NF1: variants seen among roughly 807,000 people sequenced by gnomAD.
NF1 encodes the protein neurofibromin 1.
NF1 carries 122 observed loss-of-function variants against 325.7 expected under a neutral mutation model. The ratio of observed to expected loss-of-function variants is 0.37; its 90% CI spans 0.32 to 0.44. NF1 has a LOEUF of 0.44. NF1 is among the 20% of genes least tolerant of loss of function. The pLI is 1.00. For missense variants in NF1, 2,140 were observed against 3,415.4 expected, an observed-to-expected ratio of 0.63 and a Z score of 9.31; for synonymous variants, 1,091 against 1,186.0, an observed-to-expected ratio of 0.92 and a Z score of 1.65.
At chr17:31,327,306 T>G (rs2069369925) in intron 37 of NF1, among the ~76,000 whole-genome samples, 193 bp from the exon 38 acceptor site, 1 of 152,170 alleles carries the variant, frequency 6.6e-6, no homozygotes, top group South Asian at 2.1e-4. Flanking sequence ...ATTAAAAAAT[T>G]TTTAAATGTT....
At chr17:31,225,375 A>G (rs1433421274) in intron 17 of NF1, 125 bp downstream of exon 17, 3 of 1,061,448 alleles carry the variant, frequency 2.8e-6, no homozygotes, top group East Asian at 2.4e-5. Flanking sequence ...ATCTAGTTCT[A>G]TTACTGCTCT....
intron 36 of NF1, among the ~76,000 whole-genome samples, chr17:31,279,634 C>A: frequency 6.7e-6 from 1 of 148,898 alleles, no homozygotes; most frequent in African/African-American, 2.5e-5. Context: ...GTTTTGTGAA[C>A]AATGGATATG....
At chr17:31,199,281 C>G (rs1433175484) in intron 8 of NF1, among the ~76,000 whole-genome samples, 1 of 152,058 alleles carries the variant, frequency 6.6e-6, no homozygotes, top group African/African-American at 2.4e-5. Flanking sequence ...GTTGTGTTTT[C>G]GTTTTCATTT....
intron 48 of NF1, among the ~76,000 whole-genome samples, chr17:31,344,522 G>C (rs142839494): frequency 1.3e-5 from 2 of 152,326 alleles, no homozygotes; most frequent in East Asian, 1.9e-4. Context: ...CAACAATTTT[G>C]TATTAATTTA....
rs8072036 is a variant in NF1, at chr17:31,212,505, C to T, written c.1393-1946C>T. Among the ~76,000 whole-genome samples the T allele has an allele frequency of 9.1e-3, 1,381 of 152,240 alleles. 21 individuals carry two copies. The highest frequency in any genetic ancestry group is 0.032 in the African/African-American group (1,319 of 41,538). On this transcript the variant is annotated intron_variant, in intron 12 of 57. Coordinates refer to ENST00000358273, the MANE Select transcript of NF1 (RefSeq NM_001042492.3). ...AAGTGGATCACCTGAGATCAGGAGT[C>T]GAGACCAGCCTGGCCAACATGGCAA... is the stretch of plus-strand genomic sequence containing the variant.
At chr17:31,142,342 A>G (rs779366098) in intron 1 of NF1, among the ~76,000 whole-genome samples, 4 of 152,200 alleles carry the variant, frequency 2.6e-5, no homozygotes, top group African/African-American at 9.7e-5. Flanking sequence ...TGTGAAAGTA[A>G]TGTATCTAAC....
At chr17:31,108,153 T>TCAGGTAC (rs1016792944) in intron 1 of NF1, among the ~76,000 whole-genome samples, 14 of 151,648 alleles carry the variant, frequency 9.2e-5, no homozygotes, top group African/African-American at 3.2e-4. Flanking sequence ...ATGCTGAGCT[T>TCAGGTAC]CAGGTACAGT....
chr17:31,144,093 G>T (rs1393893123), intron 1 of NF1, among the ~76,000 whole-genome samples: 1 of 152,192 alleles, frequency 6.6e-6, no homozygotes. Context: ...AAAGTGCTGG[G>T]ATTACAGGCT....
At chr17:31,113,438 C>G (rs1913602814) in intron 1 of NF1, among the ~76,000 whole-genome samples, 1 of 152,102 alleles carries the variant, frequency 6.6e-6, no homozygotes, top group Non-Finnish European at 1.5e-5. Context: ...GAGACAGGAT[C>G]TTGCTGTGTT....
intron 36 of NF1, among the ~76,000 whole-genome samples, chr17:31,284,878 T>C (rs575858583): frequency 2.0e-3 from 303 of 152,170 alleles, no homozygotes; most frequent in Non-Finnish European, 3.8e-3. Context: ...CCCATCACAT[T>C]AGGAGGCCGA....
chr17:31,257,659 C>T (rs1272500274), intron 31 of NF1: 2 of 152,150 alleles, frequency 1.3e-5, no homozygotes, highest in African/African-American at 2.4e-5. Context: ...GGGGTTCTCT[C>T]TTCTGGTGAG....
chr17:31,298,083 T>C (rs1389236124), intron 36 of NF1, among the ~76,000 whole-genome samples: 2 of 152,174 alleles, frequency 1.3e-5, no homozygotes, highest in Non-Finnish European at 2.9e-5. Context: ...TGAATGACCA[T>C]TTATTTGATT....
intron 1 of NF1, among the ~76,000 whole-genome samples, chr17:31,126,714 T>C (rs1295617892): frequency 6.6e-6 from 1 of 152,156 alleles, no homozygotes; most frequent in Non-Finnish European, 1.5e-5. Flanking sequence ...AGTGTTGAGA[T>C]TGTAGATTTG....
chr17:31,183,569 C>T (rs2066177031), intron 8 of NF1: 1 of 152,130 alleles, frequency 6.6e-6, no homozygotes, highest in Non-Finnish European at 1.5e-5. Context: ...GTTTTGGAGC[C>T]CTTCAAAATA....
At position 31,201,056 on chromosome 17, in the gene NF1, G is replaced by C. The variant is rs876660103; in HGVS notation, c.1082G>C (p.Ser361Thr). 4 of 1,613,736 alleles carry C rather than the reference G, an allele frequency of 2.5e-6. No individual in the cohort carries two copies. In the Admixed American group the frequency reaches 5.0e-5, roughly 20 times the overall value. Residue 361 changes from serine to threonine, a missense_variant, in exon 10 of 58, where the codon AGT (serine) becomes ACT (threonine). By Grantham distance (58) the Ser-to-Thr change is moderately conservative. Transcript: ENST00000358273. ...TTATAGAACCTGCTTTTTAATCCAAGTAAGCCATTCTCAAGAGGCAGTCAG... is the reference window on the plus strand; with the variant it reads ...TTATAGAACCTGCTTTTTAATCCAACTAAGCCATTCTCAAGAGGCAGTCAG... ...VDLKNLLFNPSKPFSRGSQPA... is the reference protein window; with the variant it reads ...VDLKNLLFNPTKPFSRGSQPA...
At chr17:31,139,832 C>T (rs1457982867) in intron 1 of NF1, among the ~76,000 whole-genome samples, 1 of 152,162 alleles carries the variant, frequency 6.6e-6, no homozygotes, top group East Asian at 1.9e-4. Context: ...TATTATTTTA[C>T]AGTTCAAGTT....
At chr17:31,272,502 G>T (rs1255271601) in intron 36 of NF1, 2 of 152,238 alleles carry the variant, frequency 1.3e-5, no homozygotes, top group Non-Finnish European at 2.9e-5. Context: ...GCTCTTTGGG[G>T]TCACTGCTCT....
At chr17:31,129,501 C>G (rs1435413306) in intron 1 of NF1, among the ~76,000 whole-genome samples, 2 of 147,120 alleles carry the variant, frequency 1.4e-5, no homozygotes, top group Middle Eastern at 3.6e-3. Context: ...ACGATCTCAG[C>G]TCACTGCAAC....
chr17:31,319,169 C>G (rs2069111886), intron 36 of NF1: 1 of 834,854 alleles, frequency 1.2e-6, no homozygotes, highest in South Asian at 1.9e-5. Context: ...TCCTTCTCAA[C>G]TAAATTTCTT....
Sources: allele counts gnomAD v4.1 joint callset (sites outside exome capture counted in the v4.1 genomes callset), GRCh38; gene constraint gnomAD v4.1.1; transcripts MANE v1.5; gene names NCBI Gene and HGNC (gene_info 2026-07-23, HGNC 2026-07-21).